DPP10: variants seen among roughly 807,000 people sequenced by gnomAD.
The protein encoded by DPP10 is dipeptidyl peptidase like 10, also known as inactive dipeptidyl peptidase 10.
DPP10 carries 33 observed loss-of-function variants against 120.9 expected under a neutral mutation model. The observed-to-expected ratio is 0.27, with a 90% CI of 0.21 to 0.37. DPP10 has a LOEUF of 0.37. Among genes scored for constraint, DPP10 ranks in the 10% least tolerant of loss-of-function variants. The pLI is 1.00. For missense variants in DPP10, 816 were observed against 942.8 expected (o/e 0.87, Z 1.76); for synonymous variants, 337 against 326.1 (o/e 1.03, Z -0.36).
At chr2:114,942,294 T>TATACATATATATATATATATATAC (rs2104574562) in intron 1 of DPP10, among the ~76,000 whole-genome samples, 1 of 129,416 alleles carries the variant, frequency 7.7e-6, no homozygotes, top group South Asian at 2.5e-4. Flanking sequence ...TGTGTATATA[T>TATACATATATATATATATATATAC]ATACATATAT....
chr2:115,357,436 T>C (rs891952557), intron 3 of DPP10, among the ~76,000 whole-genome samples: 2 of 152,264 alleles, frequency 1.3e-5, no homozygotes, highest in Non-Finnish European at 2.9e-5. Flanking sequence ...TGAACCCATG[T>C]CTCACATCCA....
chr2:115,080,274 T>C (rs992868870), intron 1 of DPP10, among the ~76,000 whole-genome samples: 2 of 152,178 alleles, frequency 1.3e-5, no homozygotes, highest in African/African-American at 4.8e-5. Context: ...CACCTTGAAC[T>C]CCCAAAGTCC....
chr2:115,054,278 G>A (rs796460935), intron 1 of DPP10, among the ~76,000 whole-genome samples: 11 of 152,284 alleles, frequency 7.2e-5, no homozygotes, highest in African/African-American at 2.4e-4. Flanking sequence ...AAGGTAGAGA[G>A]GAGGTCCACT....
At chr2:115,265,268 C>CATATATATATATATATATATATATATAT (rs55778302) in intron 1 of DPP10, among the ~76,000 whole-genome samples, 2 of 142,492 alleles carry the variant, frequency 1.4e-5, no homozygotes, top group Non-Finnish European at 3.0e-5. Context: ...CTTTGGATTC[C>CATATATATATATATATATATATATATAT]ATATATATAT....
intron 1 of DPP10, among the ~76,000 whole-genome samples, chr2:114,729,733 T>C (rs781204935): frequency 7.2e-5 from 11 of 152,238 alleles, no homozygotes; most frequent in Non-Finnish European, 1.6e-4. Flanking sequence ...ATAGAGACTA[T>C]TGTTGTGATC....
At chr2:114,950,053 A>C (rs904568743) in intron 1 of DPP10, among the ~76,000 whole-genome samples, 1 of 152,174 alleles carries the variant, frequency 6.6e-6, no homozygotes, top group African/African-American at 2.4e-5. Context: ...ACTGTTGAAT[A>C]ATATGATTTT....
Position 114,748,356 on chromosome 2 carries a change from T to TA in DPP10, c.60+305518_60+305519insA, listed in dbSNP as rs1280344428. The stretch of plus-strand genomic sequence containing the variant: ...GAATTTTCTTTTTTTTTTTTATTTT[T>TA]TTTTATTTTATTTATTTATTTATTT... On this transcript the variant is annotated intron_variant, in intron 1 of 25. Transcript: ENST00000410059. Among the ~76,000 whole-genome samples the TA allele has an allele frequency of 4.4e-3, 590 of 133,544 alleles. 12 individuals carry two copies. The highest frequency in any genetic ancestry group is 5.3e-3 in the Non-Finnish European group (343 of 64,150). The allele number at this position is 133,544 out of a possible 152,430, so 87.6% of individuals were successfully genotyped here.
chr2:114,517,468 T>C (rs944055728), intron 1 of DPP10, among the ~76,000 whole-genome samples: 1 of 148,870 alleles, frequency 6.7e-6, no homozygotes, highest in Non-Finnish European at 1.5e-5. Flanking sequence ...TGCAGTGAGC[T>C]GAGATCACGC....
chr2:115,699,031 AAAAAC>A (rs1359472385), intron 7 of DPP10, among the ~76,000 whole-genome samples: 14 of 31,118 alleles, frequency 4.5e-4, no homozygotes, highest in Non-Finnish European at 5.8e-4. Context: ...TGAAAAAAAA[AAAAAC>A]AAAAAAAAAA....
chr2:115,618,545 TTC>T (rs1340411941), intron 5 of DPP10, among the ~76,000 whole-genome samples: 1 of 152,210 alleles, frequency 6.6e-6, no homozygotes, highest in Non-Finnish European at 1.5e-5. Flanking sequence ...CCGAAAATAT[TTC>T]TGTCTTTGGT....
At chr2:114,549,886 A>G (rs1002022805) in intron 1 of DPP10, among the ~76,000 whole-genome samples, 1 of 152,074 alleles carries the variant, frequency 6.6e-6, no homozygotes, top group Non-Finnish European at 1.5e-5. Flanking sequence ...ATACACAGGC[A>G]GACAGCCTGT....
chr2:115,080,116 C>G (rs1019621667), intron 1 of DPP10, among the ~76,000 whole-genome samples: 1 of 152,126 alleles, frequency 6.6e-6, no homozygotes, highest in Non-Finnish European at 1.5e-5. Context: ...CTCCGGGGTT[C>G]AAGCGATTCT....
chr2:114,512,289 C>T (rs1215524781), intron 1 of DPP10, among the ~76,000 whole-genome samples: 1 of 152,166 alleles, frequency 6.6e-6, no homozygotes, highest in Admixed American at 6.5e-5. Context: ...CAAGACCCAA[C>T]CAATTTCCTT....
At chr2:115,382,917 G>C (rs1264733401) in intron 3 of DPP10, among the ~76,000 whole-genome samples, 1 of 152,110 alleles carries the variant, frequency 6.6e-6, no homozygotes, top group East Asian at 1.9e-4. Context: ...GAGAACGCTG[G>C]GGTCTGTCTC....
intron 1 of DPP10, among the ~76,000 whole-genome samples, chr2:115,058,826 C>T (rs571406266): frequency 2.0e-5 from 3 of 152,248 alleles, no homozygotes; most frequent in Admixed American, 2.0e-4. Flanking sequence ...CAACCATTCA[C>T]AGCCTTGGTC....
chr2:114,893,106 A>G (rs1057331267), intron 1 of DPP10, among the ~76,000 whole-genome samples: 2 of 152,198 alleles, frequency 1.3e-5, no homozygotes, highest in African/African-American at 2.4e-5. Context: ...AAATCCTTCC[A>G]TAAATGTCTC....
chr2:115,111,573 G>A (rs1445486733), intron 1 of DPP10, among the ~76,000 whole-genome samples: 3 of 152,072 alleles, frequency 2.0e-5, no homozygotes, highest in African/African-American at 4.8e-5. Context: ...CCCAGGAGGC[G>A]GTGTGATCTT....
intron 1 of DPP10, among the ~76,000 whole-genome samples, chr2:115,142,560 G>A (rs1470073529): frequency 6.6e-6 from 1 of 152,170 alleles, no homozygotes; most frequent in African/African-American, 2.4e-5. Flanking sequence ...CTGCAGCTTT[G>A]AAAAACACGA....
At chr2:114,574,249 A>G (rs920231501) in intron 1 of DPP10, among the ~76,000 whole-genome samples, 1 of 152,142 alleles carries the variant, frequency 6.6e-6, no homozygotes, top group East Asian at 1.9e-4. Context: ...TACAAAATTC[A>G]TAGGTTTTTC....
Sources: gnomAD v4.1 joint callset for allele counts (sites outside exome capture counted in the v4.1 genomes callset) on GRCh38, gnomAD v4.1.1 for gene constraint, MANE v1.5 for transcripts, NCBI Gene and HGNC (gene_info 2026-07-23, HGNC 2026-07-21) for gene names.